Variants in PAFAH1B2 observed in about 807,000 individuals in gnomAD.
PAFAH1B2 encodes platelet-activating factor acetylhydrolase IB subunit alpha2.
In PAFAH1B2, 8 loss-of-function variants were observed where a neutral mutation model predicts 28.0. The ratio of observed to expected loss-of-function variants is 0.29; its 90% CI spans 0.17 to 0.52. The LOEUF (loss-of-function observed/expected upper bound fraction) is 0.52, where lower values mean the gene tolerates loss of function less well. Among genes scored for constraint, PAFAH1B2 ranks in the 20% least tolerant of loss-of-function variants. The probability of loss-of-function intolerance (pLI) is 0.97; values close to 1 mark genes in which losing one functional copy is unlikely to be tolerated. For synonymous variants in PAFAH1B2, 104 were observed against 103.2 expected, an observed-to-expected ratio of 1.01 and a Z score of -0.05; for missense variants, 190 against 282.6, an observed-to-expected ratio of 0.67 and a Z score of 2.35.
downstream of PAFAH1B2, among the ~76,000 whole-genome samples, chr11:117,178,118 A>G (rs1281835175): frequency 1.3e-5 from 2 of 152,224 alleles, no homozygotes; most frequent in African/African-American, 2.4e-5. Context: ...AAACAGTGCC[A>G]AAATATTTTG....
downstream of PAFAH1B2, chr11:117,175,952 A>G (rs1402519232): frequency 1.3e-6 from 2 of 1,531,602 alleles, no homozygotes; most frequent in African/African-American, 1.4e-5. Flanking sequence ...AGAAAAGTCC[A>G]GATGGACTGA....
chr11:117,149,534 C>T (rs1204740896), intron 1 of PAFAH1B2, among the ~76,000 whole-genome samples: 2 of 143,776 alleles, frequency 1.4e-5, no homozygotes, highest in African/African-American at 5.1e-5. Flanking sequence ...TCACGCCATT[C>T]TCCTGCCTCA....
In PAFAH1B2 at chr11:117,168,377, C is replaced by T. The variant is rs1392363157; in HGVS notation, c.*678C>T. The T allele has an allele frequency of 8.5e-6, 9 of 1,057,946 alleles. No individual in the cohort carries two copies. In the East Asian group the frequency reaches 1.5e-4, roughly 18 times the overall value. The allele number at this position is 1,057,946 out of a possible 1,614,324, so 65.5% of individuals were successfully genotyped here. A position where few individuals can be genotyped will look rare whatever the true frequency, so the allele number is the denominator to read the frequency against. ...CTGAATATCATGTCTATAATAGACC[C>T]GTGCATGCAGCCTTTCCTCCTTATT... is the stretch of plus-strand genomic sequence containing the variant. On this transcript the variant is annotated 3_prime_UTR_variant, in exon 6 of 6. Transcript: ENST00000527958.
chr11:117,164,342 G>C (rs1956448175), intron 5 of PAFAH1B2, among the ~76,000 whole-genome samples: 1 of 151,848 alleles, frequency 6.6e-6, no homozygotes, highest in Admixed American at 6.6e-5. Flanking sequence ...GGGAGGCAGA[G>C]CTTACAGTGA....
At chr11:117,171,091 T>C, downstream of PAFAH1B2, 1 of 1,017,340 alleles carries the variant, frequency 9.8e-7, no homozygotes, top group Non-Finnish European at 1.2e-6. Context: ...TGGATTCTAA[T>C]GAAAAAAAGG....
intron 2 of PAFAH1B2, among the ~76,000 whole-genome samples, chr11:117,158,730 C>T (rs960213997): frequency 2.7e-5 from 4 of 149,950 alleles, no homozygotes; most frequent in South Asian, 2.1e-4. Flanking sequence ...CTGCAACCTC[C>T]GTCTCCCAGG....
chr11:117,152,445 A>G lies in PAFAH1B2; in HGVS notation c.-3A>G, dbSNP rs1249949580. On this transcript the variant is annotated 5_prime_UTR_variant, in exon 2 of 6. Coordinates refer to ENST00000527958, the MANE Select transcript of PAFAH1B2 (RefSeq NM_002572.4). The stretch of plus-strand genomic sequence containing the variant: ...GACATAGACGTTTTTTCTCAGGTGT[A>G]GAATGAGCCAAGGAGACTCAAACCC... 5 of 1,609,624 alleles carry G rather than the reference A, an allele frequency of 3.1e-6. No homozygotes were observed. Among genetic ancestry groups the G allele is most frequent in the African/African-American group, 2.7e-5 (2 of 74,870 alleles).
intron 1 of PAFAH1B2, among the ~76,000 whole-genome samples, chr11:117,151,452 A>G (rs1457706985): frequency 6.6e-6 from 1 of 151,892 alleles, no homozygotes; most frequent in East Asian, 1.9e-4. Context: ...GATGGTCTCA[A>G]TCTCCTGACC....
At chr11:117,176,069 A>C (rs1006604290) in exon 6 of PAFAH1B2, 1 of 776,992 alleles carries the variant, frequency 1.3e-6, no homozygotes, top group African/African-American at 1.7e-5. Context: ...ATATTCGCCT[A>C]GATGTGCTGG....
downstream of PAFAH1B2, chr11:117,176,014 C>T: frequency 2.6e-6 from 3 of 1,139,898 alleles, no homozygotes; most frequent in Non-Finnish European, 3.8e-6. Flanking sequence ...ATGGAGGGCT[C>T]ATGATGAAGA....
chr11:117,173,106 C>A (rs535561248), downstream of PAFAH1B2, among the ~76,000 whole-genome samples: 1 of 152,332 alleles, frequency 6.6e-6, no homozygotes, highest in Non-Finnish European at 1.5e-5. Context: ...TTGAGACGGT[C>A]AAGTATTTAT....
Position 117,170,443 on chromosome 11 carries a change from T to G in PAFAH1B2, c.*2744T>G. 1 of 1,059,488 alleles carries G rather than the reference T, an allele frequency of 9.4e-7. No homozygotes were observed. Among genetic ancestry groups the G allele is most frequent in the Non-Finnish European group, 1.1e-6 (1 of 876,226 alleles). 65.6% of individuals were successfully genotyped at this position (1,059,488 alleles called of 1,614,324 possible). A position where few individuals can be genotyped will look rare whatever the true frequency, so the allele number is the denominator to read the frequency against. Reference sequence around the variant, plus strand: ...TGAAGATGTACTGCCACGGGTGATCTAGGGCAGGCTGTCTTCCAGTCCATG... The same window carrying G: ...TGAAGATGTACTGCCACGGGTGATCGAGGGCAGGCTGTCTTCCAGTCCATG... On this transcript the variant is annotated 3_prime_UTR_variant, in exon 6 of 6. Coordinates refer to ENST00000527958, the MANE Select transcript of PAFAH1B2 (RefSeq NM_002572.4).
intron 1 of PAFAH1B2, among the ~76,000 whole-genome samples, chr11:117,148,098 G>A (rs1195482335): frequency 4.1e-5 from 6 of 147,766 alleles, no homozygotes; most frequent in African/African-American, 1.5e-4. Context: ...GTCACCCAGA[G>A]TGGGGTGCAG....
downstream of PAFAH1B2, chr11:117,171,846 G>A (rs1421693189): frequency 1.1e-6 from 1 of 932,270 alleles, no homozygotes; most frequent in Non-Finnish European, 1.6e-6. Context: ...GTATACTGTT[G>A]GATTAAAATG....
intron 1 of PAFAH1B2, among the ~76,000 whole-genome samples, chr11:117,151,756 A>T (rs1411782127): frequency 6.6e-6 from 1 of 151,602 alleles, no homozygotes; most frequent in Non-Finnish European, 1.5e-5. Context: ...GCTGGAGTGC[A>T]TTGGCACAGT....
chr11:117,158,098 A>G (rs1956292343), intron 2 of PAFAH1B2, among the ~76,000 whole-genome samples: 2 of 152,204 alleles, frequency 1.3e-5, no homozygotes, highest in South Asian at 4.1e-4. Flanking sequence ...AGATCGCGCC[A>G]CTACACTCCA....
chr11:117,174,164 T>TGTGTGTGTGTGTGTGTGTGTGTGTG (rs1555034628), downstream of PAFAH1B2, among the ~76,000 whole-genome samples: 3 of 138,808 alleles, frequency 2.2e-5, no homozygotes, highest in Non-Finnish European at 4.7e-5. Context: ...TTCATGTCTT[T>TGTGTGTGTGTGTGTGTGTGTGTGTG]TGTGTGTGTG....
intron 1 of PAFAH1B2, among the ~76,000 whole-genome samples, chr11:117,146,855 A>G (rs946562404): frequency 2.8e-5 from 4 of 144,594 alleles, no homozygotes; most frequent in Non-Finnish European, 3.0e-5. Flanking sequence ...AAAAAAAAAA[A>G]GGTCAGGCAG....
chr11:117,167,682 C>A lies in PAFAH1B2; in HGVS notation c.673C>A (p.Gln225Lys), dbSNP rs1266764666. The change falls in exon 6 of 6, where the codon CAA becomes AAA. Residue 225 changes from glutamine (Q) to lysine (K), a missense_variant. Transcript: ENST00000527958. ...QLLEETPEEK[Q>K]TTIA ...GTTGGAGGAAACACCTGAGGAGAAACAAACCACCATTGCCTGACTGGCTCT... is the reference window on the plus strand; with the variant it reads ...GTTGGAGGAAACACCTGAGGAGAAAAAAACCACCATTGCCTGACTGGCTCT... 6.4e-7 allele frequency: 1 copy of A among 1,557,106 alleles called. No individual in the cohort carries two copies. Among genetic ancestry groups the A allele is most frequent in the Non-Finnish European group, 8.7e-7 (1 of 1,143,972 alleles).
Sources: gnomAD v4.1 joint callset for allele counts (sites outside exome capture counted in the v4.1 genomes callset) on GRCh38, gnomAD v4.1.1 for gene constraint, MANE v1.5 for transcripts, NCBI Gene and HGNC (gene_info 2026-07-23, HGNC 2026-07-21) for gene names.